The following TXNRD1 variants were observed in gnomAD, a reference collection of about 807,000 sequenced individuals.
TXNRD1 encodes thioredoxin reductase 1.
TXNRD1 carries 57 observed loss-of-function variants against 80.3 expected under a neutral mutation model. The ratio of observed to expected loss-of-function variants is 0.71; its 90% confidence interval spans 0.57 to 0.89. The LOEUF is 0.89. Ranked by LOEUF, TXNRD1 falls within the 40% of genes least tolerant of loss-of-function variation. The probability of loss-of-function intolerance (pLI) is 0.00; values close to 1 mark genes in which losing one functional copy is unlikely to be tolerated. For missense variants in TXNRD1, 730 were observed against 803.0 expected, an observed-to-expected ratio of 0.91 and a Z score of 1.10; for synonymous variants, 291 against 285.2, an observed-to-expected ratio of 1.02 and a Z score of -0.20.
rs985164278 is a variant in TXNRD1, at chr12:104,222,605, C to T, written c.91+6712C>T. Among the ~76,000 whole-genome samples the T allele has an allele frequency of 4.6e-5, 7 of 152,162 alleles. No homozygotes were observed. The East Asian group carries it at 1.3e-3, about 29-fold the overall frequency. ...CAGTGGCTCATGCCTGTAATCCCAG[C>T]ACTTTGGGAGACTGAGGCAGGCAGA... On this transcript the variant is annotated intron_variant, in intron 1 of 16. Coordinates refer to ENST00000525566, the MANE Select transcript of TXNRD1 (RefSeq NM_001093771.3).
At chr12:104,254,084 G>C (rs2033187510) in intron 2 of TXNRD1, among the ~76,000 whole-genome samples, 1 of 152,152 alleles carries the variant, frequency 6.6e-6, no homozygotes. Context: ...TCAGAGTGTG[G>C]ATCTTGGCTC....
Position 104,331,590 on chromosome 12 carries a change from T to G in TXNRD1, c.1599T>G (p.Cys533Trp). Residue 533 changes from cysteine to tryptophan, a missense_variant, in exon 14 of 17, where the codon TGT becomes TGG. By Grantham distance (215) the Cys-to-Trp change is radical. Coordinates refer to ENST00000525566, the MANE Select transcript of TXNRD1 (RefSeq NM_001093771.3). ...TTACTCCTTTGGAATATGGTGCTTG[T>G]GGCCTTTCTGAGGAGAAAGCTGTGG... is the stretch of plus-strand genomic sequence containing the variant. ...TVFTPLEYGA[C>W]GLSEEKAVEK... is the part of the protein sequence containing the mutation. 1 of 1,612,820 alleles carries G rather than the reference T, an allele frequency of 6.2e-7. No homozygotes were observed. Among genetic ancestry groups the G allele is most frequent in the Non-Finnish European group, 8.5e-7 (1 of 1,179,228 alleles).
At chr12:104,319,654 C>A (rs896654878) in intron 9 of TXNRD1, 69 bp downstream of exon 9, 2 of 1,131,792 alleles carry the variant, frequency 1.8e-6, no homozygotes, top group Non-Finnish European at 2.6e-6. Context: ...TTTCTTCAAA[C>A]CCACTGCGTC....
At chr12:104,225,465 A>G (rs2032451547) in intron 1 of TXNRD1, among the ~76,000 whole-genome samples, 1 of 152,164 alleles carries the variant, frequency 6.6e-6, no homozygotes, top group African/African-American at 2.4e-5. Context: ...CTCACCTTGA[A>G]TTGTAATGAT....
chr12:104,249,935 C>CAAAAAA (rs59924751), intron 1 of TXNRD1, among the ~76,000 whole-genome samples: 6 of 102,530 alleles, frequency 5.9e-5, no homozygotes, highest in Non-Finnish European at 7.5e-5. Flanking sequence ...GACGCCGTCT[C>CAAAAAA]AAAAAAAAAA....
At chr12:104,254,701 C>T (rs894989957) in intron 2 of TXNRD1, among the ~76,000 whole-genome samples, 2 of 143,860 alleles carry the variant, frequency 1.4e-5, no homozygotes, top group African/African-American at 5.2e-5. Flanking sequence ...GTCCTAGCTT[C>T]TCAGGAGGCT....
chr12:104,345,890 A>G, intron 16 of TXNRD1: 1 of 1,116,142 alleles, frequency 9.0e-7, no homozygotes, highest in Non-Finnish European at 1.2e-6. Flanking sequence ...TGACCCTTGT[A>G]CGAGTCCTGT....
intron 13 of TXNRD1, among the ~76,000 whole-genome samples, chr12:104,327,985 C>T (rs1214189891): frequency 6.6e-6 from 1 of 151,270 alleles, no homozygotes; most frequent in Admixed American, 6.6e-5. Flanking sequence ...ATGGCGAAAC[C>T]CCATCTCTAC....
intron 3 of TXNRD1, chr12:104,258,317 T>A: frequency 2.6e-6 from 1 of 384,680 alleles, no homozygotes; most frequent in South Asian, 5.7e-5. Context: ...ATTGAAATTA[T>A]TCTTCTTATT....
chr12:104,226,191 A>C (rs1281123197), intron 1 of TXNRD1, among the ~76,000 whole-genome samples: 1 of 151,814 alleles, frequency 6.6e-6, no homozygotes, highest in Non-Finnish European at 1.5e-5. Flanking sequence ...CAAGAGTGAA[A>C]CTCTGTCTCA....
intron 4 of TXNRD1, among the ~76,000 whole-genome samples, chr12:104,306,735 T>C (rs1485183687): frequency 8.5e-5 from 13 of 152,260 alleles, no homozygotes; most frequent in Non-Finnish European, 1.9e-4. Context: ...TGACCCTTGC[T>C]AGTGTCTAGT....
chr12:104,218,706 C>T (rs774949624), intron 1 of TXNRD1, among the ~76,000 whole-genome samples: 1 of 151,598 alleles, frequency 6.6e-6, no homozygotes, highest in Non-Finnish European at 1.5e-5. Context: ...CAGCCTCAAC[C>T]GCCTGGTCTT....
intron 3 of TXNRD1, among the ~76,000 whole-genome samples, chr12:104,260,820 G>A (rs1040673021): frequency 8.5e-5 from 13 of 152,132 alleles, no homozygotes; most frequent in Non-Finnish European, 1.8e-4. Context: ...AACCAAACAA[G>A]CAAATTAAAC....
In TXNRD1 at chr12:104,251,553, T is replaced by C. The variant is rs1486581642; in HGVS notation, c.118T>C (p.Leu40=). The part of the protein sequence containing the change: ...SAKDHHPGKT[L]PENPAGFTST... ...TAAAGATCATCACCCTGGTAAAACT[T>C]TGCCAGAGAACCCAGCAGGATTCAC... Residue 40 remains leucine (L), a synonymous_variant, in exon 2 of 17, where the codon TTG becomes CTG. Transcript: ENST00000525566. 1.6e-5 allele frequency: 26 copies of C among 1,613,834 alleles called. No individual in the cohort carries two copies. The highest frequency in any genetic ancestry group is 2.2e-5 in the Non-Finnish European group (26 of 1,179,880).
chr12:104,345,649 A>AGT (rs1555219820), intron 16 of TXNRD1, among the ~76,000 whole-genome samples: 2 of 2,198 alleles, frequency 9.1e-4, no homozygotes, highest in East Asian at 0.014. Flanking sequence ...CATAGTTATG[A>AGT]AGTTCACTTG....
At chr12:104,218,842 A>G (rs1481662715) in intron 1 of TXNRD1, among the ~76,000 whole-genome samples, 1 of 152,058 alleles carries the variant, frequency 6.6e-6, no homozygotes, top group East Asian at 1.9e-4. Flanking sequence ...TTCTGGGCTC[A>G]AGTGATCTTC....
intron 1 of TXNRD1, among the ~76,000 whole-genome samples, 179 bp downstream of exon 1, chr12:104,216,072 G>T (rs1032826781): frequency 2.6e-5 from 4 of 152,148 alleles, no homozygotes; most frequent in Non-Finnish European, 4.4e-5. Flanking sequence ...CCCGGGAGAC[G>T]GAGGCCGGCG....
rs1256236686 is a variant in TXNRD1, at chr12:104,215,844, A to T, written c.42A>T (p.Pro14=). 1 of 1,560,694 alleles carries T rather than the reference A, an allele frequency of 6.4e-7. No individual in the cohort carries two copies. The highest frequency in any genetic ancestry group is 8.7e-7 in the Non-Finnish European group (1 of 1,153,764). ...AEGKAVAAAA[P]TELQTKGKNG... ...GCAAGGCAGTGGCGGCGGCCGCCCC[A>T]ACGGAGCTGCAGACGAAAGGCAAGA... The change falls in exon 1 of 17, where the codon CCA becomes CCT. Residue 14 remains proline, a synonymous_variant. Transcript: ENST00000525566.
chr12:104,312,636 GATATTCTGCA>G (rs759080925), intron 5 of TXNRD1, among the ~76,000 whole-genome samples: 1 of 152,152 alleles, frequency 6.6e-6, no homozygotes, highest in Non-Finnish European at 1.5e-5. Context: ...AATGATAAAA[GATATTCTGCA>G]AAACAAACTT....
Sources: allele counts gnomAD v4.1 joint callset (sites outside exome capture counted in the v4.1 genomes callset), GRCh38; gene constraint gnomAD v4.1.1; transcripts MANE v1.5; gene names NCBI Gene and HGNC (gene_info 2026-07-23, HGNC 2026-07-21).